Variants in BRD4 observed in about 807,000 individuals in gnomAD.
The protein encoded by BRD4 is bromodomain-containing protein 4.
BRD4 carries 16 observed loss-of-function variants against 142.1 expected under a neutral mutation model. That is an observed-to-expected ratio of 0.11 (90% CI 0.08 to 0.17). The LOEUF is 0.17. Among genes scored for constraint, BRD4 ranks in the 10% least tolerant of loss-of-function variants. The pLI is 1.00. For missense variants in BRD4, 1,424 were observed against 1,810.9 expected (o/e 0.79, Z 3.88); for synonymous variants, 833 against 707.5 (o/e 1.18, Z -2.82).
intron 11 of BRD4, 154 bp from the exon 12 acceptor site, chr19:15,244,916 T>C: frequency 1.4e-5 from 19 of 1,349,022 alleles, no homozygotes; most frequent in Non-Finnish European, 1.9e-5. Context: ...GAGTTGGTCA[T>C]CACGGGAGAG....
At chr19:15,303,008 A>G (rs866471127) in intron 1 of BRD4, among the ~76,000 whole-genome samples, 60 of 105,608 alleles carry the variant, frequency 5.7e-4, no homozygotes, top group Middle Eastern at 8.7e-3. Context: ...ACTCCGTCGC[A>G]AAAAAAAAAA....
intron 1 of BRD4, among the ~76,000 whole-genome samples, chr19:15,276,449 G>A (rs1302473540): frequency 6.6e-6 from 1 of 151,126 alleles, no homozygotes; most frequent in Non-Finnish European, 1.5e-5. Context: ...CCTTTGATCT[G>A]CTAGCCCTAC....
chr19:15,262,524 T>TAAAAAAAAAAAAA (rs559468375), intron 7 of BRD4, among the ~76,000 whole-genome samples: 3 of 97,770 alleles, frequency 3.1e-5, no homozygotes, highest in Non-Finnish European at 4.3e-5. Flanking sequence ...CCCATCTCTT[T>TAAAAAAAAAAAAA]AAAAAAAAAA....
At chr19:15,251,952 T>C (rs562439508) in intron 11 of BRD4, among the ~76,000 whole-genome samples, 12 of 152,178 alleles carry the variant, frequency 7.9e-5, no homozygotes, top group Admixed American at 7.2e-4. Flanking sequence ...CGCCAGAGCC[T>C]GGGAGCCTGG....
At position 15,329,346 on chromosome 19, in the gene BRD4, T is replaced by C. The variant is rs183209879; in HGVS notation, c.-35+2944A>G. Among the ~76,000 whole-genome samples the C allele has an allele frequency of 1.9e-3, 293 of 152,314 alleles. 1 individual carries two copies. Among genetic ancestry groups the C allele is most frequent in the Admixed American group, 4.8e-3 (73 of 15,276 alleles). On this transcript the variant is annotated intron_variant, in intron 1 of 19. Coordinates refer to ENST00000679869, the MANE Select transcript of BRD4 (RefSeq NM_001379291.1). ...TTCAAAATCAGAAACCAAAACATTT[T>C]ACATTCACAAAATACAACACACTAT...
intron 6 of BRD4, among the ~76,000 whole-genome samples, chr19:15,263,856 TGACACAGTACAGGAGCTGGTCAAAGG>T (rs2047501401): frequency 6.6e-6 from 1 of 152,202 alleles, no homozygotes; most frequent in African/African-American, 2.4e-5. Flanking sequence ...CTCATCGTGA[TGACACAGTACAGGAGCTGGTCAAAGG>T]GACACAGCAC....
intron 1 of BRD4, among the ~76,000 whole-genome samples, chr19:15,276,497 G>A (rs185805656): frequency 9.2e-5 from 14 of 151,672 alleles, no homozygotes; most frequent in South Asian, 2.1e-4. Context: ...TAGGCTCACA[G>A]ACTCTCTCTC....
rs1455049259 is a variant in BRD4 at position 15,238,894 on chromosome 19, C to T, written c.3869G>A (p.Arg1290His). The part of the protein sequence containing the change: ...RRRQEQQQQQ[R>H]QEQQQQQQQQ... ...TTGCTGCTGCTGCTGTTGCTCCTGG[C>T]GCTGCTGCTGCTGCTGCTCCTGGCG... The change falls in exon 19 of 20, where the codon CGC (arginine) becomes CAC (histidine). Residue 1290 changes from arginine (R) to histidine (H), a missense_variant. Around this residue, in one of 16 missense-constraint regions of BRD4, gnomAD observed 109 missense variants for 117.9 expected, o/e 0.92. Coordinates refer to ENST00000679869, the MANE Select transcript of BRD4 (RefSeq NM_001379291.1). The surrounding 1 kb of genome is among the most constrained non-coding windows in gnomAD (Gnocchi z 7.2). The T allele has an allele frequency of 1.8e-5, 29 of 1,595,068 alleles. No homozygotes were observed. Among genetic ancestry groups the T allele is most frequent in the South Asian group, 2.2e-5 (2 of 88,918 alleles).
At position 15,302,541 on chromosome 19, in the gene BRD4, T is replaced by C. The variant is rs575658412; in HGVS notation, c.-34-29408A>G. Among the ~76,000 whole-genome samples the C allele has an allele frequency of 1.4e-3, 216 of 152,004 alleles. 1 individual carries two copies. The highest frequency in any genetic ancestry group is 5.0e-3 in the African/African-American group (206 of 41,466). On this transcript the variant is annotated intron_variant, in intron 1 of 19. Transcript: ENST00000679869. ...AAAATTAGCCAGGCATCGTGGCACA[T>C]GCCTGTAATTCCAGCAACTCAGGAG...
chr19:15,242,271 C>T (rs781640690), intron 14 of BRD4, among the ~76,000 whole-genome samples: 2 of 152,212 alleles, frequency 1.3e-5, no homozygotes, highest in African/African-American at 2.4e-5. Flanking sequence ...CATCAGGAGG[C>T]ACTGACCAGA....
At chr19:15,311,023 G>A (rs1431581999) in intron 1 of BRD4, among the ~76,000 whole-genome samples, 2 of 151,766 alleles carry the variant, frequency 1.3e-5, no homozygotes, top group African/African-American at 4.8e-5. Flanking sequence ...AGGAGCAGGG[G>A]CTCATGCCTG....
intron 1 of BRD4, among the ~76,000 whole-genome samples, chr19:15,273,824 T>C (rs1294448123): frequency 6.6e-6 from 1 of 151,510 alleles, no homozygotes; most frequent in East Asian, 2.0e-4. Context: ...TTCTTTTTTT[T>C]TTTTTTTTTT....
intron 10 of BRD4, 107 bp downstream of exon 10, chr19:15,255,190 A>G (rs1032180373): frequency 2.4e-5 from 23 of 943,904 alleles, no homozygotes; most frequent in South Asian, 9.9e-5. Context: ...TTATAATTGG[A>G]AAAAAAAAAG....
At chr19:15,292,621 AC>A (rs2047790653) in intron 1 of BRD4, among the ~76,000 whole-genome samples, 1 of 151,852 alleles carries the variant, frequency 6.6e-6, no homozygotes, top group African/African-American at 2.4e-5. Context: ...TACTAAAAAT[AC>A]AAAAAATTAG....
Position 15,267,671 on chromosome 19 carries a change from T to C in BRD4, c.424-120A>G. 5 of 1,163,346 alleles carry C rather than the reference T, an allele frequency of 4.3e-6. No homozygotes were observed. In the South Asian group the frequency reaches 6.0e-5, roughly 14 times the overall value. 72.1% of individuals were successfully genotyped at this position (1,163,346 alleles called of 1,614,324 possible). On this transcript the variant is annotated intron_variant, in intron 3 of 19. Transcript: ENST00000679869. ...ACATGAAGCGTCGTATTCCGGGTCC[T>C]TCCCCGATCTGCACCCAAAGGAGCC...
chr19:15,283,425 T>C (rs1555742237), intron 1 of BRD4, among the ~76,000 whole-genome samples: 1 of 152,208 alleles, frequency 6.6e-6, no homozygotes, highest in Non-Finnish European at 1.5e-5. Flanking sequence ...CATTTAAATT[T>C]AAAACTATAA....
At chr19:15,325,233 A>C (rs948476407) in intron 1 of BRD4, among the ~76,000 whole-genome samples, 8 of 152,252 alleles carry the variant, frequency 5.3e-5, no homozygotes, top group Non-Finnish European at 8.8e-5. Flanking sequence ...TGACAGAATG[A>C]ATGTTACACA....
chr19:15,268,585 G>A (rs1481776645), intron 3 of BRD4, among the ~76,000 whole-genome samples: 5 of 152,026 alleles, frequency 3.3e-5, no homozygotes, highest in African/African-American at 4.8e-5. Context: ...GTCATGAGTC[G>A]CCACTATTCT....
intron 9 of BRD4, 135 bp downstream of exon 9, chr19:15,255,929 T>G: frequency 8.4e-7 from 1 of 1,184,400 alleles, no homozygotes; most frequent in Non-Finnish European, 1.2e-6. Context: ...GCCACCAGCC[T>G]GGCCTGTGAA....
Sources: allele counts gnomAD v4.1 joint callset (sites outside exome capture counted in the v4.1 genomes callset), GRCh38; gene constraint gnomAD v4.1.1; regional missense constraint gnomAD v4.1.1; non-coding constraint Gnocchi (gnomAD v3.1); transcripts MANE v1.5; gene names NCBI Gene and HGNC (gene_info 2026-07-23, HGNC 2026-07-21).